ANKRD11: variants seen among roughly 807,000 people sequenced by gnomAD.
ANKRD11 encodes ankyrin repeat domain 11.
Under a neutral mutation model 195.7 loss-of-function variants are expected in ANKRD11, and 17 were observed. The ratio of observed to expected loss-of-function variants is 0.09; its 90% confidence interval spans 0.06 to 0.13. The LOEUF is 0.13. Among genes scored for constraint, ANKRD11 ranks in the 10% least tolerant of loss-of-function variants. The pLI, the probability that ANKRD11 is intolerant of heterozygous loss-of-function variation, is 1.00. For synonymous variants in ANKRD11, 1,953 were observed against 1,528.1 expected, an observed-to-expected ratio of 1.28 and a Z score of -6.49; for missense variants, 3,735 against 3,566.1, an observed-to-expected ratio of 1.05 and a Z score of -1.21.
intron 2 of ANKRD11, among the ~76,000 whole-genome samples, chr16:89,383,687 G>A (rs538045469): frequency 6.6e-6 from 1 of 152,128 alleles, no homozygotes; most frequent in Non-Finnish European, 1.5e-5. Context: ...CGCAGCAGAC[G>A]TCCAGCCCCT....
At chr16:89,350,684 G>C (rs2039172137) in intron 2 of ANKRD11, among the ~76,000 whole-genome samples, 1 of 152,150 alleles carries the variant, frequency 6.6e-6, no homozygotes, top group Non-Finnish European at 1.5e-5. Flanking sequence ...ACTTTCTTGG[G>C]GTGATGGAAA....
At chr16:89,383,014 G>GT (rs1382014718) in intron 2 of ANKRD11, among the ~76,000 whole-genome samples, 1 of 152,168 alleles carries the variant, frequency 6.6e-6, no homozygotes, top group East Asian at 1.9e-4. Context: ...CTTGTAAAGC[G>GT]TAACTTTTAA....
intron 2 of ANKRD11, among the ~76,000 whole-genome samples, chr16:89,340,429 C>G (rs1252321555): frequency 1.3e-5 from 2 of 152,214 alleles, no homozygotes; most frequent in African/African-American, 4.8e-5. Context: ...CATGCGCCAC[C>G]ATGCCTGGCT....
At chr16:89,455,594 A>T (rs1236636703) in intron 1 of ANKRD11, among the ~76,000 whole-genome samples, 2 of 151,942 alleles carry the variant, frequency 1.3e-5, no homozygotes, top group East Asian at 3.9e-4. Context: ...TCTAATAAAA[A>T]ACTTCTAACA....
At chr16:89,296,727 G>A (rs1469986739) in intron 4 of ANKRD11, among the ~76,000 whole-genome samples, 1 of 152,216 alleles carries the variant, frequency 6.6e-6, no homozygotes, top group Non-Finnish European at 1.5e-5. Flanking sequence ...CTCTTCGTCT[G>A]TCTACACTCT....
rs551302848 is a variant in ANKRD11 at position 89,279,753 on chromosome 16, G to A, written c.6789C>T (p.Pro2263=). The change falls in exon 9 of 13, where the codon CCC becomes CCT. Residue 2263 remains proline, a synonymous_variant. Transcript: ENST00000301030. This position sits in a 1 kb window ranked among gnomAD's most constrained non-coding sequence, Gnocchi z 5.6. ...SGDQGAEAEG[P]PAASLCAPDG... ...CAGGGGCACAGAGGGACGCGGCGGG[G>A]GGGCCTTCAGCCTCAGCCCCCTGGT... 4 of 1,524,540 alleles carry A rather than the reference G, an allele frequency of 2.6e-6. No individual in the cohort carries two copies. The highest frequency in any genetic ancestry group is 3.5e-6 in the Non-Finnish European group (4 of 1,139,218). 94.4% of individuals were successfully genotyped at this position (1,524,540 alleles called of 1,614,324 possible). A position where few individuals can be genotyped will look rare whatever the true frequency, so the allele number is the denominator to read the frequency against.
At chr16:89,413,871 G>A (rs2042193757) in intron 2 of ANKRD11, among the ~76,000 whole-genome samples, 1 of 152,152 alleles carries the variant, frequency 6.6e-6, no homozygotes, top group African/African-American at 2.4e-5. Flanking sequence ...TTCAAGGCCA[G>A]ACTGGGGGGA....
intron 1 of ANKRD11, among the ~76,000 whole-genome samples, chr16:89,418,804 C>T (rs373620405): frequency 2.6e-5 from 4 of 151,302 alleles, no homozygotes; most frequent in African/African-American, 9.7e-5. Flanking sequence ...CACTCTTGTC[C>T]CCCAGGCTGG....
chr16:89,437,781 A>G (rs1158760053), intron 1 of ANKRD11, among the ~76,000 whole-genome samples: 1 of 151,878 alleles, frequency 6.6e-6, no homozygotes, highest in Non-Finnish European at 1.5e-5. Context: ...ATGCCTCTCC[A>G]CTACTCCTAA....
At position 89,397,969 on chromosome 16, in the gene ANKRD11, A is replaced by G. The variant is rs567634432; in HGVS notation, c.-60+20315T>C. 3.9e-5 allele frequency among the ~76,000 whole-genome samples: 6 copies of G among 152,396 alleles called. No homozygotes were observed. In the South Asian group the frequency reaches 1.0e-3, roughly 26 times the overall value. On this transcript the variant is annotated intron_variant, in intron 2 of 12. Transcript: ENST00000301030. ...GATCTCCTGTTGTTGAATCGGTGCA[A>G]TATTCACCCACCAAAAACAACCACA...
chr16:89,278,097 G>C (rs530845614), intron 9 of ANKRD11: 1 of 223,494 alleles, frequency 4.5e-6, no homozygotes, highest in African/African-American at 2.3e-5. Flanking sequence ...CACACAGTCC[G>C]CTAGGCACAG....
chr16:89,453,320 T>G (rs1041895214), intron 1 of ANKRD11, among the ~76,000 whole-genome samples: 17 of 152,226 alleles, frequency 1.1e-4, no homozygotes, highest in African/African-American at 4.1e-4. Flanking sequence ...TCAATAACCA[T>G]GTTTATAACA....
chr16:89,282,951 T>C lies in ANKRD11; in HGVS notation c.3591A>G (p.Lys1197=). ...TGTGCTTTTCAAAGACTTTCTCTTT[T>C]TTGTCTCTCCCCGCGTCGGCAGCCC... is the stretch of plus-strand genomic sequence containing the variant. The part of the protein sequence containing the change: ...DRGAADAGRD[K]KEKVFEKHKE... The change falls in exon 9 of 13, where the codon AAA becomes AAG. Residue 1197 remains lysine, a synonymous_variant. Coordinates refer to ENST00000301030, the MANE Select transcript of ANKRD11 (RefSeq NM_013275.6). The C allele has an allele frequency of 6.2e-7, 1 of 1,613,236 alleles. No homozygotes were observed. Among genetic ancestry groups the C allele is most frequent in the Non-Finnish European group, 8.5e-7 (1 of 1,179,938 alleles).
chr16:89,397,863 A>G (rs2041514431), intron 2 of ANKRD11, among the ~76,000 whole-genome samples: 1 of 152,232 alleles, frequency 6.6e-6, no homozygotes, highest in South Asian at 2.1e-4. Flanking sequence ...ACCAGCACAC[A>G]AACCTTCGTC....
chr16:89,382,153 C>G (rs1482774718), intron 2 of ANKRD11, among the ~76,000 whole-genome samples: 1 of 152,102 alleles, frequency 6.6e-6, no homozygotes, highest in Non-Finnish European at 1.5e-5. Flanking sequence ...GACAGAGAGT[C>G]TGCTCCCACC....
intron 9 of ANKRD11, among the ~76,000 whole-genome samples, chr16:89,276,153 C>T (rs1175670741): frequency 6.6e-6 from 1 of 152,170 alleles, no homozygotes; most frequent in Non-Finnish European, 1.5e-5. Context: ...AAGAGGGAGA[C>T]CAGGAAGAGC....
intron 2 of ANKRD11, among the ~76,000 whole-genome samples, chr16:89,331,985 CA>C (rs1162732723): frequency 1.3e-5 from 2 of 151,764 alleles, no homozygotes; most frequent in Non-Finnish European, 1.5e-5. Context: ...ACAAAACATT[CA>C]AAAAAAATTT....
chr16:89,336,609 C>T lies in ANKRD11; in HGVS notation c.-59-19531G>A, dbSNP rs558000537. On this transcript the variant is annotated intron_variant, in intron 2 of 12. Transcript: ENST00000301030. Reference sequence around the variant, plus strand: ...TCAATGAGACACAAGGTTAAAGTGACGCTTTGTAAGGACGGAAAGCCACCT... The same window carrying T: ...TCAATGAGACACAAGGTTAAAGTGATGCTTTGTAAGGACGGAAAGCCACCT... Among the ~76,000 whole-genome samples, 32 of 152,280 alleles carry T rather than the reference C, an allele frequency of 2.1e-4. 1 individual carries two copies. Among genetic ancestry groups the T allele is most frequent in the African/African-American group, 6.7e-4 (28 of 41,556 alleles).
intron 1 of ANKRD11, among the ~76,000 whole-genome samples, chr16:89,432,235 G>GTACA: frequency 1.1e-5 from 1 of 95,208 alleles, no homozygotes; most frequent in Admixed American, 1.2e-4. Context: ...TCGTGATGCA[G>GTACA]TACACACACA....
Sources: allele counts gnomAD v4.1 joint callset (sites outside exome capture counted in the v4.1 genomes callset), GRCh38; gene constraint gnomAD v4.1.1; non-coding constraint Gnocchi (gnomAD v3.1); transcripts MANE v1.5; gene names NCBI Gene and HGNC (gene_info 2026-07-23, HGNC 2026-07-21).